The following PIEZO1 variants were observed in gnomAD, a reference collection of about 807,000 sequenced individuals.
PIEZO1 encodes piezo-type mechanosensitive ion channel component 1.
Under a neutral mutation model 297.2 loss-of-function variants are expected in PIEZO1, and 296 were observed. The ratio of observed to expected loss-of-function variants is 1.00; its 90% confidence interval spans 0.91 to 1.10. PIEZO1 has a LOEUF of 1.10. Among genes scored for constraint, PIEZO1 ranks in the 50% least tolerant of loss-of-function variants. The pLI is 0.00. For missense variants in PIEZO1, 5,018 were observed against 3,455.5 expected, an observed-to-expected ratio of 1.45 and a Z score of -11.34; for synonymous variants, 2,427 against 1,507.5, an observed-to-expected ratio of 1.61 and a Z score of -14.13.
chr16:88,737,657 G>C lies in PIEZO1; in HGVS notation c.1108-11C>G. 1 of 1,533,842 alleles carries C rather than the reference G, an allele frequency of 6.5e-7. No homozygotes were observed. Among genetic ancestry groups the C allele is most frequent in the South Asian group, 1.2e-5 (1 of 83,988 alleles). ...TGTGGGCACCACGTGCTGTGGGCAA[G>C]CAGCGCTGAGCCATGCACGGGCTGG... On this transcript the variant is annotated splice_polypyrimidine_tract_variant and intron_variant, in intron 9 of 50. Coordinates refer to ENST00000301015, the MANE Select transcript of PIEZO1 (RefSeq NM_001142864.4).
At chr16:88,774,191 A>G (rs995034696) in intron 1 of PIEZO1, among the ~76,000 whole-genome samples, 1 of 152,142 alleles carries the variant, frequency 6.6e-6, no homozygotes, top group African/African-American at 2.4e-5. Context: ...TCCCACCCAC[A>G]GGATGGCGAC....
chr16:88,779,818 G>A (rs1335638277), intron 1 of PIEZO1, among the ~76,000 whole-genome samples: 3 of 152,158 alleles, frequency 2.0e-5, no homozygotes, highest in Admixed American at 1.3e-4. Flanking sequence ...ACGGACCCCC[G>A]GCCACCGCGG....
chr16:88,767,289 T>G (rs1907221724), intron 1 of PIEZO1, among the ~76,000 whole-genome samples: 1 of 152,156 alleles, frequency 6.6e-6, no homozygotes, highest in African/African-American at 2.4e-5. Context: ...CCTGTGGCTG[T>G]GCTGAGACCC....
At chr16:88,738,144 G>A (rs1905376276) in intron 7 of PIEZO1, 39 bp from the exon 8 acceptor site, 1 of 1,535,536 alleles carries the variant, frequency 6.5e-7, no homozygotes, top group Non-Finnish European at 8.7e-7. Context: ...CCACCCCAGA[G>A]GCAGTGGGGC....
chr16:88,725,274 C>G (rs1339565341), intron 29 of PIEZO1, 142 bp downstream of exon 29: 2 of 693,834 alleles, frequency 2.9e-6, no homozygotes, highest in South Asian at 2.1e-5. Flanking sequence ...ATGGGGCCTG[C>G]CAGACAGAGG....
chr16:88,768,551 C>T (rs779912329), intron 1 of PIEZO1, among the ~76,000 whole-genome samples: 1 of 152,246 alleles, frequency 6.6e-6, no homozygotes, highest in Admixed American at 6.5e-5. Flanking sequence ...AGCGAGCAGC[C>T]GAACTCCCGG....
At chr16:88,779,364 G>A (rs952572822) in intron 1 of PIEZO1, among the ~76,000 whole-genome samples, 2 of 152,146 alleles carry the variant, frequency 1.3e-5, no homozygotes, top group South Asian at 2.1e-4. Context: ...GACGGCGTCG[G>A]GGGAGCCCCA....
intron 1 of PIEZO1, among the ~76,000 whole-genome samples, chr16:88,771,167 C>T (rs539039741): frequency 5.5e-4 from 84 of 152,312 alleles, no homozygotes; most frequent in African/African-American, 1.9e-3. Flanking sequence ...GTGCGAAAGG[C>T]CCCACAGAGC....
Position 88,721,709 on chromosome 16 carries a change from C to G in PIEZO1, c.5232G>C (p.Lys1744Asn). The change falls in exon 38 of 51, where the codon AAG becomes AAC. Residue 1744 changes from lysine (K) to asparagine (N), a missense_variant. Transcript: ENST00000301015. Reference protein sequence around the residue: ...IVFTEIAVVVKYLFQFGFFPW... With the variant: ...IVFTEIAVVVNYLFQFGFFPW... ...GGAAGAACCCAAACTGGAACAGGTA[C>G]TTGACGACCACCGCGATCTGTGGGG... 12 of 1,545,258 alleles carry G rather than the reference C, an allele frequency of 7.8e-6. No homozygotes were observed. The highest frequency in any genetic ancestry group is 1.0e-5 in the Non-Finnish European group (12 of 1,144,826).
chr16:88,734,737 G>A lies in PIEZO1; in HGVS notation c.1910C>T (p.Thr637Ile). The A allele has an allele frequency of 1.3e-6, 2 of 1,550,290 alleles. No individual in the cohort carries two copies. Among genetic ancestry groups the A allele is most frequent in the Non-Finnish European group, 1.7e-6 (2 of 1,146,914 alleles). ...GTAGACGGCGATGAGGACCAGCATG[G>A]TGTAGGCCACCACGAGCCACCAGAA... ...KAFWWLVVAY[T>I]MLVLIAVYTF... The change falls in exon 15 of 51, where the codon ACC becomes ATC. Residue 637 changes from threonine (T) to isoleucine (I), a missense_variant. Thr to Ile is a moderately conservative substitution (Grantham distance 89). Transcript: ENST00000301015.
chr16:88,768,682 G>A lies in PIEZO1; in HGVS notation c.64+16219C>T, dbSNP rs1266905920. 2.0e-5 allele frequency among the ~76,000 whole-genome samples: 3 copies of A among 152,210 alleles called. No homozygotes were observed. In the East Asian group the frequency reaches 5.8e-4, roughly 29 times the overall value. ...GCCGCTCCTCCCTTCTCCCTGGGGA[G>A]AGGCCAGGATGGATGCGCCCTTCCT... On this transcript the variant is annotated intron_variant, in intron 1 of 50. Transcript: ENST00000301015.
chr16:88,715,522 C>G lies in PIEZO1; in HGVS notation c.*83G>C, dbSNP rs1298366571. 28 of 1,373,052 alleles carry G rather than the reference C, an allele frequency of 2.0e-5. No individual in the cohort carries two copies. The highest frequency in any genetic ancestry group is 2.7e-5 in the Non-Finnish European group (27 of 1,009,544). The allele number at this position is 1,373,052 out of a possible 1,614,324, so 85.1% of individuals were successfully genotyped here. On this transcript the variant is annotated 3_prime_UTR_variant, in exon 51 of 51. Transcript: ENST00000301015. ...GGCGGCCTTGGACGGGGCAGTGGCT[C>G]CCCCGGCCTGAGGAGTGCCGCCCCT...
In PIEZO1 at chr16:88,716,704, T is replaced by C. The variant is rs550322372; in HGVS notation, c.6781A>G (p.Ser2261Gly). 9.1e-4 allele frequency: 1,402 copies of C among 1,548,530 alleles called. No homozygotes were observed. Among genetic ancestry groups the C allele is most frequent in the Non-Finnish European group, 1.2e-3 (1,368 of 1,146,874 alleles). The change falls in exon 47 of 51, where the codon AGC becomes GGC. Residue 2261 changes from serine (S) to glycine (G), a missense_variant. Coordinates refer to ENST00000301015, the MANE Select transcript of PIEZO1 (RefSeq NM_001142864.4). ...PLAMQFISQY[S>G]PEDIVTAQIE... ...TGCGCCGTGACGATGTCCTCAGGGC[T>C]GTACTGGCTGATGAACTGCATGGCC...
chr16:88,756,552 A>G (rs1235370858), intron 1 of PIEZO1, among the ~76,000 whole-genome samples: 2 of 150,784 alleles, frequency 1.3e-5, no homozygotes, highest in Non-Finnish European at 3.0e-5. Flanking sequence ...CCGCCATCTC[A>G]TGGTCAGGAG....
Position 88,736,329 on chromosome 16 carries a change from C to T in PIEZO1, c.1376G>A (p.Arg459His), listed in dbSNP as rs377700365. 1.9e-5 allele frequency: 30 copies of T among 1,550,136 alleles called. No homozygotes were observed. Among genetic ancestry groups the T allele is most frequent in the Admixed American group, 1.4e-4 (7 of 50,998 alleles). ...CGAGCACAGCATGGCCAGTTGGTGG[C>T]GGCTGCGCACCGTCCAGATGAGGCA... Reference protein sequence around the residue: ...WACLIWTVRSRHQLAMLCSPC... With the variant: ...WACLIWTVRSHHQLAMLCSPC... Residue 459 changes from arginine (R) to histidine (H), a missense_variant, in exon 12 of 51, where the codon CGC becomes CAC. Transcript: ENST00000301015.
In PIEZO1 at chr16:88,716,711, G is replaced by A; in HGVS notation, c.6774C>T (p.Ser2258=). The A allele has an allele frequency of 6.5e-7, 1 of 1,548,394 alleles. No individual in the cohort carries two copies. The highest frequency in any genetic ancestry group is 2.4e-5 in the East Asian group (1 of 40,924). The change falls in exon 47 of 51, where the codon AGC becomes AGT. Residue 2258 remains serine, a synonymous_variant. Transcript: ENST00000301015. ...DPQPLAMQFI[S]QYSPEDIVTA... ...TGACGATGTCCTCAGGGCTGTACTG[G>A]CTGATGAACTGCATGGCCAGCTGGG... is the stretch of plus-strand genomic sequence containing the variant.
At chr16:88,732,908 A>G in intron 19 of PIEZO1, 176 bp from the exon 20 acceptor site, 3 of 649,054 alleles carry the variant, frequency 4.6e-6, no homozygotes, top group South Asian at 3.9e-5. Context: ...TTTGAGAAAC[A>G]GGGAGACCAC....
At chr16:88,723,481 C>T (rs978745323) in intron 31 of PIEZO1, among the ~76,000 whole-genome samples, 153 bp from the exon 32 acceptor site, 1 of 152,242 alleles carries the variant, frequency 6.6e-6, no homozygotes, top group Non-Finnish European at 1.5e-5. Flanking sequence ...GATGGGGACC[C>T]TGAGGGGCTG....
intron 15 of PIEZO1, 35 bp from the exon 16 acceptor site, chr16:88,734,573 C>G (rs1905078924): frequency 6.5e-7 from 1 of 1,545,276 alleles, no homozygotes; most frequent in Admixed American, 2.0e-5. Flanking sequence ...GGCCCGGCCC[C>G]CGGCAGAGCC....
Sources: gnomAD v4.1 joint callset for allele counts (sites outside exome capture counted in the v4.1 genomes callset) on GRCh38, gnomAD v4.1.1 for gene constraint, MANE v1.5 for transcripts, NCBI Gene and HGNC (gene_info 2026-07-23, HGNC 2026-07-21) for gene names.